Variants in METTL9 observed in about 807,000 individuals in gnomAD.
METTL9 encodes the protein methyltransferase 9, His-X-His N1(pi)-histidine, also known as protein-L-histidine N-pros-methyltransferase.
METTL9 carries 10 observed loss-of-function variants against 36.0 expected under a neutral mutation model. The ratio of observed to expected loss-of-function variants is 0.28; its 90% confidence interval spans 0.17 to 0.47. METTL9 has a LOEUF of 0.47. Ranked by LOEUF, METTL9 falls within the 20% of genes least tolerant of loss-of-function variation. The probability of loss-of-function intolerance (pLI) is 0.99; values close to 1 mark genes in which losing one functional copy is unlikely to be tolerated. For missense variants in METTL9, 246 were observed against 383.5 expected, an observed-to-expected ratio of 0.64 and a Z score of 3.00; for synonymous variants, 175 against 149.7, an observed-to-expected ratio of 1.17 and a Z score of -1.23.
At chr16:21,600,165 C>T (rs1316609926) in intron 1 of METTL9, among the ~76,000 whole-genome samples, 2 of 152,090 alleles carry the variant, frequency 1.3e-5, no homozygotes. Context: ...CGGCCCGGAG[C>T]CCCGCATTGT....
upstream of METTL9, chr16:21,597,293 A>G (rs1282493789): frequency 1.6e-6 from 2 of 1,288,930 alleles, no homozygotes. Context: ...ACCAAGTTCT[A>G]TGAAAAGGTC....
intron 4 of METTL9, among the ~76,000 whole-genome samples, chr16:21,637,310 G>A (rs59944268): frequency 0.01 from 1,596 of 152,232 alleles, 38 homozygotes; most frequent in African/African-American, 0.037. Flanking sequence ...GTGCTGATTG[G>A]TGCGTTTAGA....
chr16:21,633,584 T>C (rs1292119241), intron 4 of METTL9, among the ~76,000 whole-genome samples: 1 of 152,116 alleles, frequency 6.6e-6, no homozygotes, highest in African/African-American at 2.4e-5. Context: ...TCCAGAACAG[T>C]GCACCATTCT....
intron 4 of METTL9, among the ~76,000 whole-genome samples, chr16:21,647,934 G>A (rs1213059954): frequency 6.6e-6 from 1 of 152,200 alleles, no homozygotes; most frequent in African/African-American, 2.4e-5. Context: ...CCAGACGAAC[G>A]TTGCTGCCGC....
chr16:21,604,371 G>C (rs1276813771), intron 1 of METTL9, among the ~76,000 whole-genome samples: 2 of 152,132 alleles, frequency 1.3e-5, no homozygotes, highest in African/African-American at 4.8e-5. Context: ...CCAGTAAAAA[G>C]CTCTGTTGTG....
intron 4 of METTL9, chr16:21,646,729 A>C (rs541657848): frequency 2.1e-4 from 60 of 292,632 alleles, no homozygotes; most frequent in Non-Finnish European, 3.6e-4. Flanking sequence ...ATCTCGGTTC[A>C]CTGCAACCTT....
At chr16:21,644,579 A>G (rs1966373672) in intron 4 of METTL9, among the ~76,000 whole-genome samples, 1 of 152,246 alleles carries the variant, frequency 6.6e-6, no homozygotes, top group Non-Finnish European at 1.5e-5. Flanking sequence ...CCAGTTCATC[A>G]GTTCTTTAAA....
intron 1 of METTL9, among the ~76,000 whole-genome samples, chr16:21,600,139 C>T (rs1260673827): frequency 1.3e-5 from 2 of 152,096 alleles, no homozygotes; most frequent in Admixed American, 6.6e-5. Flanking sequence ...CATGGCCTCC[C>T]GGGCCCGATC....
intron 4 of METTL9, among the ~76,000 whole-genome samples, chr16:21,633,656 T>C (rs1966017697): frequency 6.6e-6 from 1 of 152,138 alleles, no homozygotes; most frequent in African/African-American, 2.4e-5. Flanking sequence ...TATAGAGGAA[T>C]TACTGCCTCA....
At chr16:21,630,620 C>T (rs1215125775) in intron 4 of METTL9, among the ~76,000 whole-genome samples, 2 of 152,210 alleles carry the variant, frequency 1.3e-5, no homozygotes, top group African/African-American at 4.8e-5. Context: ...TTGTAGTGTC[C>T]TCCAGAGGGG....
At position 21,612,798 on chromosome 16, in the gene METTL9, G is replaced by C; in HGVS notation, c.319G>C (p.Val107Leu). The C allele has an allele frequency of 6.2e-7, 1 of 1,609,620 alleles. No homozygotes were observed. The part of the protein sequence containing the change: ...IQLYHSFVSS[V>L]FSLFMSRTSI... ...ATTATATCATTCTTTTGTGTCATCT[G>C]TTTTTAGCCTGTTTATGTCTAGAAC... is the stretch of plus-strand genomic sequence containing the variant. The change falls in exon 2 of 5, where the codon GTT becomes CTT. Residue 107 changes from valine (V) to leucine (L), a missense_variant. Val to Leu is a conservative substitution (Grantham distance 32). Coordinates refer to ENST00000358154, the MANE Select transcript of METTL9 (RefSeq NM_016025.5).
At chr16:21,627,703 C>G (rs1263426787) in intron 4 of METTL9, 1 of 152,210 alleles carries the variant, frequency 6.6e-6, no homozygotes, top group Admixed American at 6.5e-5. Flanking sequence ...AATCCCAGCA[C>G]TTTGGGAGGC....
chr16:21,653,991 A>G (rs1338313332), intron 4 of METTL9: 1 of 148,984 alleles, frequency 6.7e-6, no homozygotes, highest in Non-Finnish European at 1.5e-5. Flanking sequence ...GCATCTGCTC[A>G]TGATATATTT....
At chr16:21,635,401 A>G (rs1038953767) in intron 4 of METTL9, among the ~76,000 whole-genome samples, 2 of 152,034 alleles carry the variant, frequency 1.3e-5, no homozygotes, top group African/African-American at 4.8e-5. Context: ...AGGGGGAGCT[A>G]TAGGGAGGCT....
intron 4 of METTL9, chr16:21,655,012 C>A: frequency 1.7e-6 from 1 of 575,072 alleles, no homozygotes. Flanking sequence ...CACTCATTAA[C>A]CTTGCAAGCG....
chr16:21,613,150 G>A (rs185756804), intron 2 of METTL9, among the ~76,000 whole-genome samples: 1 of 138,068 alleles, frequency 7.2e-6, no homozygotes, highest in Admixed American at 7.6e-5. Flanking sequence ...TACATCAGGG[G>A]CTAGGTCTGA....
At chr16:21,611,270 G>A (rs1465236488) in intron 1 of METTL9, among the ~76,000 whole-genome samples, 1 of 152,128 alleles carries the variant, frequency 6.6e-6, no homozygotes. Context: ...CTGTTTGTTT[G>A]TGTTGATTTG....
chr16:21,637,666 C>T (rs529977678), intron 4 of METTL9, among the ~76,000 whole-genome samples: 138 of 152,380 alleles, frequency 9.1e-4, no homozygotes, highest in African/African-American at 3.2e-3. Context: ...AGTGCTGGGC[C>T]TGCTGAGCCC....
rs978673888 is a variant in METTL9, at chr16:21,641,373, A to C, written c.752-13854A>C. On this transcript the variant is annotated intron_variant, in intron 4 of 4. Coordinates refer to ENST00000358154, the MANE Select transcript of METTL9 (RefSeq NM_016025.5). ...GGGTTTTAGTATTTTGGTAATGACT[A>C]TTAGTTATAGTTTCCTTACATTCTG... 1.3e-5 allele frequency: 6 copies of C among 452,302 alleles called. No individual in the cohort carries two copies. In the East Asian group the frequency reaches 2.1e-4, roughly 16 times the overall value. The allele number at this position is 452,302 out of a possible 1,614,324, so 28.0% of individuals were successfully genotyped here.
Sources: gnomAD v4.1 joint callset for allele counts (sites outside exome capture counted in the v4.1 genomes callset) on GRCh38, gnomAD v4.1.1 for gene constraint, MANE v1.5 for transcripts, NCBI Gene and HGNC (gene_info 2026-07-23, HGNC 2026-07-21) for gene names.